Variants in BBS9 observed in about 807,000 individuals in gnomAD.
The protein encoded by BBS9 is Bardet-Biedl syndrome 9, also known as protein PTHB1.
A neutral mutation model predicts 117.7 loss-of-function variants in BBS9; 89 were observed. The observed-to-expected ratio is 0.76, with a 90% confidence interval of 0.64 to 0.90. BBS9 has a LOEUF of 0.90. BBS9 is among the 40% of genes least tolerant of loss of function. BBS9 has a pLI of 0.00. For missense variants in BBS9, 982 were observed against 1,042.2 expected (o/e 0.94, Z 0.80); for synonymous variants, 379 against 370.9 (o/e 1.02, Z -0.25).
At chr7:33,498,418 G>A (rs1845023699) in intron 19 of BBS9, among the ~76,000 whole-genome samples, 1 of 152,002 alleles carries the variant, frequency 6.6e-6, no homozygotes, top group Non-Finnish European at 1.5e-5. Flanking sequence ...TTATTCACAG[G>A]ATTGTGCCAC....
intron 21 of BBS9, among the ~76,000 whole-genome samples, chr7:33,570,148 G>A (rs1439669371): frequency 1.3e-5 from 2 of 152,126 alleles, no homozygotes; most frequent in East Asian, 1.9e-4. Flanking sequence ...CTTCTTCTAC[G>A]TGACAGAAGA....
At chr7:33,479,122 G>T (rs957861922) in intron 19 of BBS9, among the ~76,000 whole-genome samples, 2 of 152,028 alleles carry the variant, frequency 1.3e-5, no homozygotes, top group African/African-American at 2.4e-5. Context: ...TAGGTTCAGG[G>T]TGTACATGTG....
At chr7:33,251,830 T>C (rs1251189054) in intron 5 of BBS9, among the ~76,000 whole-genome samples, 2 of 152,208 alleles carry the variant, frequency 1.3e-5, no homozygotes, top group African/African-American at 4.8e-5. Context: ...CCTAGATTAT[T>C]TGGCTTTAGA....
Position 33,367,863 on chromosome 7 carries a change from G to T in BBS9, c.1789+1G>T, listed in dbSNP as rs201938124. 3.1e-6 allele frequency: 5 copies of T among 1,613,010 alleles called. No homozygotes were observed. In the African/African-American group the frequency reaches 4.0e-5, roughly 13 times the overall value. Reference sequence around the variant, plus strand: ...ACTGTTCTTGCTTCCAAAACTTCTCGTAAGTAAAACCATGTTATCATTGCT... The same window carrying T: ...ACTGTTCTTGCTTCCAAAACTTCTCTTAAGTAAAACCATGTTATCATTGCT... On this transcript the variant is annotated splice_donor_variant, in intron 17 of 22. Transcript: ENST00000242067. LOFTEE classifies it high-confidence loss of function.
chr7:33,171,734 T>G (rs1447413815), intron 4 of BBS9, among the ~76,000 whole-genome samples: 1 of 152,190 alleles, frequency 6.6e-6, no homozygotes, highest in Non-Finnish European at 1.5e-5. Flanking sequence ...TTTTAACTTA[T>G]AAATGACTCA....
chr7:33,358,013 A>G lies in BBS9; in HGVS notation c.1693+18A>G, dbSNP rs1179271704. 1 of 1,609,044 alleles carries G rather than the reference A, an allele frequency of 6.2e-7. No homozygotes were observed. The highest frequency in any genetic ancestry group is 1.1e-5 in the South Asian group (1 of 90,960). ...CTTCCCAGGTAAGACTGTTGAAATA[A>G]CATGCCTGCAGCATCAAAAATGCTA... On this transcript the variant is annotated intron_variant, in intron 16 of 22. Transcript: ENST00000242067.
chr7:33,569,589 T>TAA (rs140184306), intron 21 of BBS9, among the ~76,000 whole-genome samples: 3 of 140,402 alleles, frequency 2.1e-5, no homozygotes, highest in East Asian at 2.1e-4. Flanking sequence ...CATCTCTACT[T>TAA]AAAAAAAAAA....
intron 21 of BBS9, among the ~76,000 whole-genome samples, chr7:33,621,393 C>T (rs541228654): frequency 6.6e-6 from 1 of 152,110 alleles, no homozygotes; most frequent in African/African-American, 2.4e-5. Context: ...CCTGAATAGA[C>T]ATTTCTCAAA....
At chr7:33,452,916 T>C (rs1838103490) in intron 19 of BBS9, among the ~76,000 whole-genome samples, 1 of 152,304 alleles carries the variant, frequency 6.6e-6, no homozygotes, top group Non-Finnish European at 1.5e-5. Flanking sequence ...TATAATCAAA[T>C]ATAGCAATTG....
At chr7:33,372,336 T>G (rs1823029498) in intron 17 of BBS9, among the ~76,000 whole-genome samples, 2 of 152,156 alleles carry the variant, frequency 1.3e-5, no homozygotes, top group Admixed American at 6.5e-5. Flanking sequence ...TGTACCTAAT[T>G]TATTGAGTTT....
exon 22 of BBS9, among the ~76,000 whole-genome samples, chr7:33,635,203 G>A: frequency 7.7e-6 from 1 of 129,154 alleles, no homozygotes; most frequent in East Asian, 2.0e-4. Context: ...GAGGATCGAG[G>A]CCTGGACCCT....
chr7:33,597,841 CA>C (rs1245265648), intron 21 of BBS9, among the ~76,000 whole-genome samples: 1 of 125,356 alleles, frequency 8.0e-6, no homozygotes, highest in East Asian at 2.2e-4. Context: ...TTGATTCCAC[CA>C]AAAAAATGGT....
At chr7:33,505,799 A>T in intron 20 of BBS9, 154 bp downstream of exon 20, 1 of 839,094 alleles carries the variant, frequency 1.2e-6, no homozygotes, top group Non-Finnish European at 1.8e-6. Flanking sequence ...ACCATAATAA[A>T]AATGTCAAAC....
At chr7:33,620,536 A>T (rs1865354893) in intron 21 of BBS9, among the ~76,000 whole-genome samples, 1 of 152,116 alleles carries the variant, frequency 6.6e-6, no homozygotes, top group Non-Finnish European at 1.5e-5. Context: ...AATTTAGCCA[A>T]GGAGGTGAAA....
At chr7:33,356,637 C>G (rs1419650737) in intron 15 of BBS9, among the ~76,000 whole-genome samples, 2 of 151,846 alleles carry the variant, frequency 1.3e-5, no homozygotes, top group Admixed American at 6.6e-5. Context: ...TATCAATATG[C>G]TTGCCATTGT....
intron 21 of BBS9, among the ~76,000 whole-genome samples, chr7:33,615,133 C>T (rs1332955086): frequency 6.6e-6 from 1 of 151,944 alleles, no homozygotes; most frequent in African/African-American, 2.4e-5. Flanking sequence ...ACAACCTTAC[C>T]ACCACATTAC....
chr7:33,220,312 G>A (rs1216735777), intron 5 of BBS9, among the ~76,000 whole-genome samples: 1 of 152,154 alleles, frequency 6.6e-6, no homozygotes, highest in East Asian at 1.9e-4. Flanking sequence ...AAAGGGAGGG[G>A]CATATTTCCA....
chr7:33,616,481 G>A (rs1190624188), intron 21 of BBS9, among the ~76,000 whole-genome samples: 1 of 140,020 alleles, frequency 7.1e-6, no homozygotes, highest in Non-Finnish European at 1.5e-5. Context: ...TATAATATAT[G>A]TGTGTGTGTG....
chr7:33,458,493 T>C (rs1838974487), intron 19 of BBS9, among the ~76,000 whole-genome samples: 1 of 152,198 alleles, frequency 6.6e-6, no homozygotes, highest in South Asian at 2.1e-4. Flanking sequence ...AACTATTCTG[T>C]GCCAGTTTTT....
Sources: allele counts gnomAD v4.1 joint callset (sites outside exome capture counted in the v4.1 genomes callset), GRCh38; gene constraint gnomAD v4.1.1; transcripts MANE v1.5; gene names NCBI Gene and HGNC (gene_info 2026-07-23, HGNC 2026-07-21).